IREB2: variants seen among roughly 807,000 people sequenced by gnomAD.
IREB2 encodes iron responsive element binding protein 2.
A neutral mutation model predicts 118.8 loss-of-function variants in IREB2; 39 were observed. The ratio of observed to expected loss-of-function variants is 0.33; its 90% confidence interval spans 0.25 to 0.43. The LOEUF (loss-of-function observed/expected upper bound fraction) is 0.43, where lower values mean the gene tolerates loss of function less well. Among genes scored for constraint, IREB2 ranks in the 20% least tolerant of loss-of-function variants. The pLI, the probability that IREB2 is intolerant of heterozygous loss-of-function variation, is 1.00. For missense variants in IREB2, 900 were observed against 1,147.3 expected, an observed-to-expected ratio of 0.78 and a Z score of 3.11; for synonymous variants, 372 against 392.2, an observed-to-expected ratio of 0.95 and a Z score of 0.61.
intron 20 of IREB2, among the ~76,000 whole-genome samples, chr15:78,495,078 A>G (rs927570612): frequency 6.6e-6 from 1 of 151,198 alleles, no homozygotes; most frequent in African/African-American, 2.5e-5. Flanking sequence ...CTGGGGGGGA[A>G]TAGTCATGTG....
At chr15:78,464,478 A>G (rs552846953) in intron 3 of IREB2, among the ~76,000 whole-genome samples, 1 of 152,240 alleles carries the variant, frequency 6.6e-6, no homozygotes, top group Non-Finnish European at 1.5e-5. Flanking sequence ...ATAGCCGCAT[A>G]AGAAATAAAT....
intron 18 of IREB2, among the ~76,000 whole-genome samples, chr15:78,491,070 G>C (rs1464642717): frequency 1.3e-5 from 2 of 152,112 alleles, no homozygotes; most frequent in African/African-American, 2.4e-5. Flanking sequence ...TGAAAAGTCA[G>C]CTTGGTTTTA....
chr15:78,454,002 T>C (rs2051066732), intron 2 of IREB2, among the ~76,000 whole-genome samples: 1 of 152,218 alleles, frequency 6.6e-6, no homozygotes, highest in Non-Finnish European at 1.5e-5. Flanking sequence ...CATTCATACC[T>C]GTTAGAATGG....
intron 20 of IREB2, among the ~76,000 whole-genome samples, chr15:78,495,713 A>C (rs1175822815): frequency 6.6e-6 from 1 of 152,210 alleles, no homozygotes; most frequent in Non-Finnish European, 1.5e-5. Context: ...ATTTGTAAAA[A>C]ATGAGTAAAA....
chr15:78,465,594 G>C lies in IREB2; in HGVS notation c.410+206G>C, dbSNP rs112568983. Among the ~76,000 whole-genome samples the C allele has an allele frequency of 1.4e-4, 21 of 152,132 alleles. 1 individual carries two copies. The highest frequency in any genetic ancestry group is 4.8e-4 in the African/African-American group (20 of 41,534). ...TTCTTGTATTTCTGCTGCCGTTTTT[G>C]ATAGAAATGAATAAGCCTAGGACCT... On this transcript the variant is annotated intron_variant, in intron 4 of 21. Coordinates refer to ENST00000258886, the MANE Select transcript of IREB2 (RefSeq NM_004136.4).
chr15:78,494,573 AT>A (rs932666168), intron 20 of IREB2, among the ~76,000 whole-genome samples: 1 of 151,762 alleles, frequency 6.6e-6, no homozygotes, highest in African/African-American at 2.4e-5. Context: ...CCTATTGATC[AT>A]TTTTTTTGGT....
intron 2 of IREB2, among the ~76,000 whole-genome samples, chr15:78,447,799 T>G (rs1271931729): frequency 6.6e-6 from 1 of 152,102 alleles, no homozygotes; most frequent in Non-Finnish European, 1.5e-5. Flanking sequence ...TTCCATCTGT[T>G]TTCTGCCTTC....
At chr15:78,437,651 A>C, upstream of IREB2, 1 of 152,782 alleles carries the variant, frequency 6.5e-6, no homozygotes, top group Non-Finnish European at 1.5e-5. Flanking sequence ...CTGAGGCGGA[A>C]GGATGGAGAG....
At chr15:78,487,677 C>A in intron 13 of IREB2, 56 bp from the exon 14 acceptor site, 1 of 930,562 alleles carries the variant, frequency 1.1e-6, no homozygotes. Flanking sequence ...TAAGACTTGT[C>A]CTTTCTCTAT....
At position 78,466,893 on chromosome 15, in the gene IREB2, G is replaced by A. The variant is rs553238349; in HGVS notation, c.629+404G>A. On this transcript the variant is annotated intron_variant, in intron 5 of 21. Coordinates refer to ENST00000258886, the MANE Select transcript of IREB2 (RefSeq NM_004136.4). ...ATTTTTAACATTTTTTTCCTACTAG[G>A]GGGTTTCTTATCTTTTCCTATTGCA... 5.3e-5 allele frequency among the ~76,000 whole-genome samples: 8 copies of A among 151,830 alleles called. No individual in the cohort carries two copies. The South Asian group carries it at 1.7e-3, about 32-fold the overall frequency.
At chr15:78,473,641 A>T (rs914861226) in intron 8 of IREB2, 1 of 369,422 alleles carries the variant, frequency 2.7e-6, no homozygotes, top group African/African-American at 2.1e-5. Flanking sequence ...TACTATTACT[A>T]TTCTCATTGT....
chr15:78,490,348 A>C (rs2051729028), intron 16 of IREB2, 74 bp from the exon 17 acceptor site: 1 of 896,304 alleles, frequency 1.1e-6, no homozygotes, highest in East Asian at 2.4e-5. Flanking sequence ...TATTCCCTTG[A>C]TCATTTTCAT....
intron 20 of IREB2, among the ~76,000 whole-genome samples, chr15:78,496,114 A>T (rs983127792): frequency 3.9e-4 from 59 of 152,280 alleles, no homozygotes; most frequent in African/African-American, 1.4e-3. Flanking sequence ...CTCAGACCTT[A>T]CTGGTATCAC....
At chr15:78,452,630 G>A (rs772732518) in intron 2 of IREB2, among the ~76,000 whole-genome samples, 1 of 152,106 alleles carries the variant, frequency 6.6e-6, no homozygotes, top group Non-Finnish European at 1.5e-5. Context: ...AAGGAGGCTT[G>A]GCATGGTGAC....
rs773539211 is a variant in IREB2 at position 78,501,432 on chromosome 15, TAAAG to T, written c.*3293_*3296del. On this transcript the variant is annotated 3_prime_UTR_variant, in exon 22 of 22. Transcript: ENST00000258886. Reference sequence around the variant, plus strand: ...TACTGATGCTGTAAATTATTTTTAATAAAGAAAATTGTATTATCACATTTGATTC... The same window carrying T: ...TACTGATGCTGTAAATTATTTTTAATAAAATTGTATTATCACATTTGATTC... 8 of 152,756 alleles carry T rather than the reference TAAAG, an allele frequency of 5.2e-5. No homozygotes were observed. The highest frequency in any genetic ancestry group is 1.9e-4 in the East Asian group (1 of 5,190). The allele number at this position is 152,756 out of a possible 1,614,324, so 9.5% of individuals were successfully genotyped here. A position where few individuals can be genotyped will look rare whatever the true frequency, so the allele number is the denominator to read the frequency against.
Position 78,471,865 on chromosome 15 carries a change from G to C in IREB2, c.824G>C (p.Ser275Thr). The change falls in exon 7 of 22, where the codon AGT becomes ACT. Residue 275 changes from serine (S) to threonine (T), a missense_variant. Transcript: ENST00000258886. ...FEEKDLLFPD[S>T]VVGTDSHITM... is the part of the protein sequence containing the mutation. ...GAAAAAGACCTCCTCTTCCCAGACAGTGTAGTCGGCACAGATTCACACATA... is the reference window on the plus strand; with the variant it reads ...GAAAAAGACCTCCTCTTCCCAGACACTGTAGTCGGCACAGATTCACACATA... 1 of 1,613,682 alleles carries C rather than the reference G, an allele frequency of 6.2e-7. No individual in the cohort carries two copies. The highest frequency in any genetic ancestry group is 8.5e-7 in the Non-Finnish European group (1 of 1,179,790).
At chr15:78,463,495 T>TG (rs2051230938) in intron 3 of IREB2, among the ~76,000 whole-genome samples, 3 of 152,156 alleles carry the variant, frequency 2.0e-5, no homozygotes, top group Admixed American at 2.0e-4. Flanking sequence ...GCTCTGTGTT[T>TG]TTTTGTTTTG....
intron 2 of IREB2, among the ~76,000 whole-genome samples, chr15:78,449,648 T>G (rs773191321): frequency 1.3e-5 from 2 of 152,226 alleles, no homozygotes; most frequent in African/African-American, 4.8e-5. Flanking sequence ...CCAGCAGACA[T>G]GAAACAGAGT....
chr15:78,462,551 C>T (rs1201361715), intron 2 of IREB2, among the ~76,000 whole-genome samples: 1 of 151,998 alleles, frequency 6.6e-6, no homozygotes, highest in Non-Finnish European at 1.5e-5. Flanking sequence ...TTTGCCATAC[C>T]AGGGGATGTC....
Sources: gnomAD v4.1 joint callset for allele counts (sites outside exome capture counted in the v4.1 genomes callset) on GRCh38, gnomAD v4.1.1 for gene constraint, MANE v1.5 for transcripts, NCBI Gene and HGNC (gene_info 2026-07-23, HGNC 2026-07-21) for gene names.